The following TBK1 variants were observed in gnomAD, a reference collection of about 807,000 sequenced individuals.
The protein encoded by TBK1 is serine/threonine-protein kinase TBK1.
In TBK1, 37 loss-of-function variants were observed where a neutral mutation model predicts 99.9. The observed-to-expected ratio is 0.37, with a 90% CI of 0.28 to 0.49. The LOEUF (loss-of-function observed/expected upper bound fraction) is 0.49. Among genes scored for constraint, TBK1 ranks in the 20% least tolerant of loss-of-function variants. The pLI is 0.98. For missense variants in TBK1, 644 were observed against 872.5 expected, an observed-to-expected ratio of 0.74 and a Z score of 3.30; for synonymous variants, 258 against 279.8, an observed-to-expected ratio of 0.92 and a Z score of 0.78.
chr12:64,469,295 CT>C (rs959087579), intron 5 of TBK1, among the ~76,000 whole-genome samples: 3 of 152,000 alleles, frequency 2.0e-5, no homozygotes, highest in African/African-American at 7.2e-5. Context: ...TGAATGTAAG[CT>C]CCACAAAACC....
chr12:64,479,937 A>G (rs1475077402), intron 6 of TBK1, 75 bp from the exon 7 acceptor site: 8 of 945,140 alleles, frequency 8.5e-6, no homozygotes, highest in Non-Finnish European at 1.3e-5. Context: ...AATTGAGGAA[A>G]TACTTTTGCA....
chr12:64,460,125 G>A (rs370114320), intron 2 of TBK1, 64 bp from the exon 3 acceptor site: 1 of 1,144,484 alleles, frequency 8.7e-7, no homozygotes, highest in South Asian at 2.3e-5. Context: ...GAGTTCTAAT[G>A]CTACCTTTTA....
In TBK1 at chr12:64,456,056, C is replaced by G. The variant is rs2040484189; in HGVS notation, c.87+99C>G. On this transcript the variant is annotated intron_variant, in intron 2 of 20. Coordinates refer to ENST00000331710, the MANE Select transcript of TBK1 (RefSeq NM_013254.4). ...AGTGTGTGACTTGGTGATTTTGATC[C>G]CTTTGTCTGAAGAAATTGTTTTAAT... is the stretch of plus-strand genomic sequence containing the variant. 3 of 853,258 alleles carry G rather than the reference C, an allele frequency of 3.5e-6. No homozygotes were observed. In the South Asian group the frequency reaches 5.3e-5, roughly 15 times the overall value. 52.9% of individuals were successfully genotyped at this position (853,258 alleles called of 1,614,324 possible). A position where few individuals can be genotyped will look rare whatever the true frequency, so the allele number is the denominator to read the frequency against.
At chr12:64,496,697 A>T (rs2040928538) in intron 16 of TBK1, among the ~76,000 whole-genome samples, 1 of 152,150 alleles carries the variant, frequency 6.6e-6, no homozygotes. Flanking sequence ...CACATAGGCA[A>T]GGGCAGACTT....
chr12:64,455,567 T>C (rs191204333), intron 1 of TBK1, among the ~76,000 whole-genome samples: 1 of 152,310 alleles, frequency 6.6e-6, no homozygotes, highest in East Asian at 1.9e-4. Context: ...AAAATCTACA[T>C]TGGCTAGAAC....
chr12:64,471,026 A>G (rs975228352), intron 5 of TBK1, among the ~76,000 whole-genome samples: 4 of 152,248 alleles, frequency 2.6e-5, no homozygotes, highest in African/African-American at 7.2e-5. Context: ...ATAATAGTCT[A>G]AGGCTCAGCA....
chr12:64,498,782 C>G (rs944738906), intron 20 of TBK1, among the ~76,000 whole-genome samples: 1 of 151,906 alleles, frequency 6.6e-6, no homozygotes, highest in East Asian at 2.0e-4. Flanking sequence ...ATGGCAAAAC[C>G]CTGTCTCTAC....
chr12:64,496,366 G>T lies in TBK1; in HGVS notation c.1721-1G>T. 1 of 1,179,354 alleles carries T rather than the reference G, an allele frequency of 8.5e-7. No individual in the cohort carries two copies. Among genetic ancestry groups the T allele is most frequent in the South Asian group, 1.4e-5 (1 of 68,970 alleles). 73.1% of individuals were successfully genotyped at this position (1,179,354 alleles called of 1,614,324 possible). On this transcript the variant is annotated splice_acceptor_variant, in intron 15 of 20. Transcript: ENST00000331710. LOFTEE classifies it high-confidence loss of function. ...ACAGTAATATATTTTCCTATTTCTA[G>T]GATTAGCTTATAATGAAGAACAAAT...
At chr12:64,479,312 G>A (rs2040744301) in intron 6 of TBK1, among the ~76,000 whole-genome samples, 1 of 152,092 alleles carries the variant, frequency 6.6e-6, no homozygotes. Context: ...TTCTTAGATA[G>A]TTGTCACATG....
rs376773908 is a variant in TBK1 at position 64,497,276 on chromosome 12, A to C, written c.1959+17A>C. 2.7e-6 allele frequency: 4 copies of C among 1,489,274 alleles called. No homozygotes were observed. The Admixed American group carries it at 6.9e-5, about 26-fold the overall frequency. The allele number at this position is 1,489,274 out of a possible 1,614,324, so 92.3% of individuals were successfully genotyped here. On this transcript the variant is annotated intron_variant, in intron 18 of 20. Transcript: ENST00000331710. ...ACTAATGAGGTAGGTACAGCTGTCA[A>C]GGAAAAATTAAAATTCTTCTCAGTT...
intron 6 of TBK1, among the ~76,000 whole-genome samples, chr12:64,475,663 G>T (rs890466169): frequency 2.6e-5 from 4 of 152,174 alleles, no homozygotes; most frequent in Non-Finnish European, 5.9e-5. Context: ...AAGGTCTCCA[G>T]CTGCATCCAT....
chr12:64,464,680 G>A (rs887245018), intron 4 of TBK1, among the ~76,000 whole-genome samples: 2 of 151,960 alleles, frequency 1.3e-5, no homozygotes, highest in Admixed American at 1.3e-4. Context: ...ACAGCCCATA[G>A]AATGAGAAAA....
chr12:64,472,860 T>C (rs570692292), intron 5 of TBK1, among the ~76,000 whole-genome samples: 1 of 152,368 alleles, frequency 6.6e-6, no homozygotes, highest in East Asian at 1.9e-4. Flanking sequence ...AAAGCTGTCC[T>C]GGGCTACATG....
At chr12:64,472,483 C>T (rs2040672572) in intron 5 of TBK1, among the ~76,000 whole-genome samples, 1 of 152,086 alleles carries the variant, frequency 6.6e-6, no homozygotes, top group African/African-American at 2.4e-5. Flanking sequence ...ATTTATCTTC[C>T]AAAAATCTTC....
intron 10 of TBK1, 65 bp downstream of exon 10, chr12:64,485,578 C>T (rs2040812665): frequency 1.2e-6 from 1 of 800,190 alleles, no homozygotes; most frequent in Non-Finnish European, 2.0e-6. Context: ...ATAGTGGAAG[C>T]AATAACATGT....
chr12:64,486,132 T>C lies in TBK1; in HGVS notation c.1340+115T>C, dbSNP rs554330059. 13 of 591,552 alleles carry C rather than the reference T, an allele frequency of 2.2e-5. No individual in the cohort carries two copies. In the South Asian group the frequency reaches 3.3e-4, roughly 15 times the overall value. 36.6% of individuals were successfully genotyped at this position (591,552 alleles called of 1,614,324 possible). On this transcript the variant is annotated intron_variant, in intron 11 of 20. Coordinates refer to ENST00000331710, the MANE Select transcript of TBK1 (RefSeq NM_013254.4). ...GTGCTTGATTTTTATTATAATACAT[T>C]TGTTTCACATTTAGTTTATAAAACA...
chr12:64,463,337 G>A (rs1239859226), intron 3 of TBK1, among the ~76,000 whole-genome samples: 1 of 151,048 alleles, frequency 6.6e-6, no homozygotes, highest in Non-Finnish European at 1.5e-5. Flanking sequence ...CCGAGATCGC[G>A]CCACTGCGCT....
rs2040984760 is a variant in TBK1, at chr12:64,501,194, G to A, written c.2139-136G>A. 3.8e-6 allele frequency: 3 copies of A among 782,890 alleles called. No individual in the cohort carries two copies. The South Asian group carries it at 5.3e-5, about 14-fold the overall frequency. The allele number at this position is 782,890 out of a possible 1,614,324, so 48.5% of individuals were successfully genotyped here. On this transcript the variant is annotated intron_variant, in intron 20 of 20. Coordinates refer to ENST00000331710, the MANE Select transcript of TBK1 (RefSeq NM_013254.4). ...TACCATGCTGTTCCAGTAAGAAATA[G>A]AACAAATCATAGTTACTTAAACTCT...
chr12:64,500,032 T>C (rs1367935032), intron 20 of TBK1, among the ~76,000 whole-genome samples: 4 of 152,202 alleles, frequency 2.6e-5, no homozygotes, highest in Non-Finnish European at 4.4e-5. Flanking sequence ...TAACTACTTA[T>C]GCCTTGTGGA....
Sources: gnomAD v4.1 joint callset for allele counts (sites outside exome capture counted in the v4.1 genomes callset) on GRCh38, gnomAD v4.1.1 for gene constraint, MANE v1.5 for transcripts, NCBI Gene and HGNC (gene_info 2026-07-23, HGNC 2026-07-21) for gene names.